The following ATXN1 variants were observed in gnomAD, a reference collection of about 807,000 sequenced individuals.
ATXN1 encodes the protein ataxin-1.
Under a neutral mutation model 56.4 loss-of-function variants are expected in ATXN1, and 8 were observed. That is an observed-to-expected ratio of 0.14 (90% CI 0.08 to 0.26). The LOEUF (loss-of-function observed/expected upper bound fraction) is 0.26, where lower values mean the gene tolerates loss of function less well. Among genes scored for constraint, ATXN1 ranks in the 10% least tolerant of loss-of-function variants. ATXN1 has a pLI of 1.00. For synonymous variants in ATXN1, 514 were observed against 494.6 expected (o/e 1.04, Z -0.52); for missense variants, 987 against 1,106.5 (o/e 0.89, Z 1.53).
intron 6 of ATXN1, among the ~76,000 whole-genome samples, chr6:16,483,988 G>A (rs995004635): frequency 6.6e-6 from 1 of 152,168 alleles, no homozygotes; most frequent in African/African-American, 2.4e-5. Flanking sequence ...TGTAACTGGA[G>A]TACCCAAATC....
At chr6:16,554,755 A>AT (rs946863969) in intron 4 of ATXN1, among the ~76,000 whole-genome samples, 4 of 150,966 alleles carry the variant, frequency 2.6e-5, no homozygotes, top group African/African-American at 9.8e-5. Context: ...CGCCCGGCTA[A>AT]TTTTTTTGTA....
At chr6:16,437,853 T>G (rs1334254938) in intron 6 of ATXN1, among the ~76,000 whole-genome samples, 2 of 152,214 alleles carry the variant, frequency 1.3e-5, no homozygotes, top group Non-Finnish European at 2.9e-5. Context: ...TCCTGTATTT[T>G]GAAATGCACT....
At chr6:16,507,521 G>T (rs190506194) in intron 5 of ATXN1, among the ~76,000 whole-genome samples, 124 of 152,258 alleles carry the variant, frequency 8.1e-4, no homozygotes, top group African/African-American at 2.8e-3. Context: ...TTCTTTGACT[G>T]AAGTCTCCAA....
At chr6:16,588,051 A>G (rs962681974) in intron 3 of ATXN1, among the ~76,000 whole-genome samples, 1 of 90,316 alleles carries the variant, frequency 1.1e-5, no homozygotes, top group African/African-American at 3.7e-5. Flanking sequence ...AAATCTAAGC[A>G]GAATAGATTC....
chr6:16,702,867 T>C (rs1266149243), intron 2 of ATXN1, among the ~76,000 whole-genome samples: 1 of 152,176 alleles, frequency 6.6e-6, no homozygotes, highest in Non-Finnish European at 1.5e-5. Flanking sequence ...ATAGGAACAT[T>C]TTTACACTGT....
At chr6:16,494,107 T>G (rs368550824) in intron 5 of ATXN1, among the ~76,000 whole-genome samples, 1 of 8,266 alleles carries the variant, frequency 1.2e-4, no homozygotes, top group South Asian at 6.2e-3. Flanking sequence ...AGGGCTGGAC[T>G]GAGAGGCATC....
intron 2 of ATXN1, among the ~76,000 whole-genome samples, chr6:16,714,371 C>T (rs1759595789): frequency 6.6e-6 from 1 of 152,074 alleles, no homozygotes; most frequent in Non-Finnish European, 1.5e-5. Flanking sequence ...CCACCACCAC[C>T]CGCCTTTGTA....
rs553751174 is a variant in ATXN1, at chr6:16,599,154, T to C, written c.-488-13247A>G. On this transcript the variant is annotated intron_variant, in intron 3 of 7. Transcript: ENST00000436367. Reference sequence around the variant, plus strand: ...TCACCAAAGATGTTTTCTTTTCCTATGCATCAGTACCTCCACACCCAGGGA... The same window carrying C: ...TCACCAAAGATGTTTTCTTTTCCTACGCATCAGTACCTCCACACCCAGGGA... 3.3e-5 allele frequency among the ~76,000 whole-genome samples: 5 copies of C among 152,322 alleles called. No homozygotes were observed. The South Asian group carries it at 1.0e-3, about 32-fold the overall frequency.
chr6:16,531,846 T>C (rs1313935010), intron 4 of ATXN1, among the ~76,000 whole-genome samples: 1 of 152,230 alleles, frequency 6.6e-6, no homozygotes, highest in Non-Finnish European at 1.5e-5. Context: ...TAATATCTAC[T>C]ACATAAGCTT....
intron 2 of ATXN1, among the ~76,000 whole-genome samples, chr6:16,747,775 T>C (rs1031140000): frequency 4.6e-5 from 7 of 152,132 alleles, no homozygotes; most frequent in African/African-American, 1.7e-4. Context: ...CATCTTGACA[T>C]GAATGAGCTC....
intron 7 of ATXN1, among the ~76,000 whole-genome samples, chr6:16,307,705 T>G (rs1338882709): frequency 6.7e-6 from 1 of 149,510 alleles, no homozygotes; most frequent in African/African-American, 2.5e-5. Context: ...CAATTTCCAA[T>G]GTCCTTTCTA....
At position 16,498,420 on chromosome 6, in the gene ATXN1, G is replaced by C. The variant is rs1484727608; in HGVS notation, c.-298-12311C>G. Among the ~76,000 whole-genome samples the C allele has an allele frequency of 2.0e-5, 3 of 151,952 alleles. No homozygotes were observed. In the South Asian group the frequency reaches 6.2e-4, roughly 32 times the overall value. ...GACATTTGGGATGATTCCATATTTGGGCTACTATGAATCATGCTGCTATGA... is the reference window on the plus strand; with the variant it reads ...GACATTTGGGATGATTCCATATTTGCGCTACTATGAATCATGCTGCTATGA... On this transcript the variant is annotated intron_variant, in intron 5 of 7. Coordinates refer to ENST00000436367, the MANE Select transcript of ATXN1 (RefSeq NM_001128164.2).
intron 2 of ATXN1, among the ~76,000 whole-genome samples, chr6:16,690,031 C>T (rs1759013207): frequency 6.6e-6 from 1 of 152,006 alleles, no homozygotes; most frequent in Admixed American, 6.6e-5. Context: ...GAAGATGAAA[C>T]AAACCACTCA....
intron 1 of ATXN1, among the ~76,000 whole-genome samples, chr6:16,759,534 T>TTG (rs1275046000): frequency 7.2e-6 from 1 of 138,722 alleles, no homozygotes; most frequent in African/African-American, 2.7e-5. Context: ...CCGACTGTTT[T>TTG]TTTTTTTTTT....
intron 6 of ATXN1, among the ~76,000 whole-genome samples, chr6:16,415,229 G>C (rs1758877573): frequency 6.6e-6 from 1 of 152,088 alleles, no homozygotes; most frequent in African/African-American, 2.4e-5. Context: ...TTTTTTGTTT[G>C]TTTGTTTTTG....
intron 6 of ATXN1, among the ~76,000 whole-genome samples, chr6:16,466,314 T>A (rs958682029): frequency 8.3e-5 from 5 of 60,174 alleles, no homozygotes; most frequent in Admixed American, 5.8e-4. Context: ...TCAGACCCCA[T>A]CTCAAAAAAA....
At chr6:16,365,203 G>A (rs188559372) in intron 6 of ATXN1, among the ~76,000 whole-genome samples, 1 of 152,164 alleles carries the variant, frequency 6.6e-6, no homozygotes, top group Non-Finnish European at 1.5e-5. Flanking sequence ...TTGAGACAAA[G>A]TCTCACTCTG....
At chr6:16,381,752 G>C (rs912915157) in intron 6 of ATXN1, among the ~76,000 whole-genome samples, 1 of 152,200 alleles carries the variant, frequency 6.6e-6, no homozygotes, top group Admixed American at 6.5e-5. Context: ...GGACAACTCT[G>C]CCAGTCAGGT....
intron 6 of ATXN1, among the ~76,000 whole-genome samples, chr6:16,453,274 C>A (rs535707629): frequency 2.6e-5 from 4 of 152,198 alleles, no homozygotes; most frequent in African/African-American, 7.2e-5. Context: ...TCCTGGCTAA[C>A]ACGGTGAAAC....
Sources: allele counts gnomAD v4.1 joint callset (sites outside exome capture counted in the v4.1 genomes callset), GRCh38; gene constraint gnomAD v4.1.1; transcripts MANE v1.5; gene names NCBI Gene and HGNC (gene_info 2026-07-23, HGNC 2026-07-21).